The following SLC2A13 variants were observed in gnomAD, a reference collection of about 807,000 sequenced individuals.
SLC2A13 encodes the protein solute carrier family 2 member 13, also known as proton myo-inositol cotransporter.
A neutral mutation model predicts 64.4 loss-of-function variants in SLC2A13; 32 were observed. That is an observed-to-expected ratio of 0.50 (90% CI 0.37 to 0.67). SLC2A13 has a LOEUF of 0.67. SLC2A13 is among the 30% of genes least tolerant of loss of function. The pLI, the probability that SLC2A13 is intolerant of heterozygous loss-of-function variation, is 0.00. For synonymous variants in SLC2A13, 338 were observed against 327.1 expected (o/e 1.03, Z -0.36); for missense variants, 743 against 829.2 (o/e 0.90, Z 1.28).
At chr12:39,816,322 T>C (rs1427970393) in intron 7 of SLC2A13, among the ~76,000 whole-genome samples, 1 of 150,814 alleles carries the variant, frequency 6.6e-6, no homozygotes, top group East Asian at 2.0e-4. Flanking sequence ...TAGGTTGGGT[T>C]GCCTAGAAAA....
chr12:39,865,664 A>T (rs1336436158), intron 5 of SLC2A13, among the ~76,000 whole-genome samples: 1 of 152,242 alleles, frequency 6.6e-6, no homozygotes, highest in African/African-American at 2.4e-5. Flanking sequence ...GGAAGAATGG[A>T]GAAAGAAAAT....
chr12:39,930,357 G>C (rs1457208961), intron 4 of SLC2A13, among the ~76,000 whole-genome samples: 1 of 151,904 alleles, frequency 6.6e-6, no homozygotes, highest in Non-Finnish European at 1.5e-5. Flanking sequence ...CTGCTCAGTG[G>C]GGAACAATAT....
intron 4 of SLC2A13, among the ~76,000 whole-genome samples, chr12:39,925,053 T>TTTTA (rs1491231030): frequency 3.1e-5 from 4 of 128,056 alleles, no homozygotes; most frequent in Admixed American, 8.3e-5. Flanking sequence ...TTTTTTTTTT[T>TTTTA]GAGGAAGAGT....
At chr12:39,891,155 C>T (rs1944598344) in intron 4 of SLC2A13, among the ~76,000 whole-genome samples, 1 of 149,398 alleles carries the variant, frequency 6.7e-6, no homozygotes, top group Admixed American at 6.8e-5. Flanking sequence ...GAGGATGCAT[C>T]TAGGATGCTT....
At chr12:39,877,775 C>A (rs1271294674) in intron 4 of SLC2A13, among the ~76,000 whole-genome samples, 1 of 152,114 alleles carries the variant, frequency 6.6e-6, no homozygotes, top group East Asian at 1.9e-4. Context: ...AACCTTTATG[C>A]AGTAGTTTGA....
chr12:39,797,699 G>T, intron 7 of SLC2A13, among the ~76,000 whole-genome samples: 1 of 147,042 alleles, frequency 6.8e-6, no homozygotes, highest in African/African-American at 2.5e-5. Context: ...AAAAGCTAAT[G>T]GATACATGTT....
intron 4 of SLC2A13, among the ~76,000 whole-genome samples, chr12:39,940,632 T>C (rs530926926): frequency 1.3e-5 from 2 of 151,678 alleles, no homozygotes; most frequent in East Asian, 3.9e-4. Context: ...TTAATGGTTC[T>C]TGAGATGGCT....
chr12:40,085,157 C>A (rs764991520), intron 1 of SLC2A13, among the ~76,000 whole-genome samples: 3 of 152,190 alleles, frequency 2.0e-5, no homozygotes, highest in Non-Finnish European at 4.4e-5. Flanking sequence ...GACTCCACCT[C>A]CACAGGGACA....
intron 6 of SLC2A13, among the ~76,000 whole-genome samples, chr12:39,855,708 C>T (rs1396635957): frequency 6.6e-6 from 1 of 152,132 alleles, no homozygotes; most frequent in African/African-American, 2.4e-5. Flanking sequence ...CTTCGATTTC[C>T]TAAGCTGTAT....
intron 7 of SLC2A13, among the ~76,000 whole-genome samples, chr12:39,807,228 G>A (rs1388402731): frequency 6.6e-6 from 1 of 152,174 alleles, no homozygotes; most frequent in African/African-American, 2.4e-5. Flanking sequence ...AGTGGAGTGT[G>A]CTTACAGAAG....
chr12:39,973,711 T>G (rs188409335), intron 3 of SLC2A13, among the ~76,000 whole-genome samples: 104 of 152,324 alleles, frequency 6.8e-4, no homozygotes, highest in East Asian at 5.8e-3. Flanking sequence ...CATCTTTCCC[T>G]CACACCTGTC....
At chr12:39,913,051 T>C (rs1401875485) in intron 4 of SLC2A13, among the ~76,000 whole-genome samples, 1 of 152,078 alleles carries the variant, frequency 6.6e-6, no homozygotes, top group Non-Finnish European at 1.5e-5. Flanking sequence ...GAGAAGTGCA[T>C]TCCAGAGAAA....
chr12:39,765,939 C>A (rs973069200), intron 7 of SLC2A13, among the ~76,000 whole-genome samples: 1 of 152,218 alleles, frequency 6.6e-6, no homozygotes, highest in East Asian at 1.9e-4. Context: ...CATGTGTTCT[C>A]ATTGTTCAGC....
At chr12:40,022,587 A>G (rs1474673212) in intron 3 of SLC2A13, among the ~76,000 whole-genome samples, 1 of 152,250 alleles carries the variant, frequency 6.6e-6, no homozygotes, top group Non-Finnish European at 1.5e-5. Flanking sequence ...CTGTAATCTT[A>G]GCACTTTGGG....
intron 1 of SLC2A13, among the ~76,000 whole-genome samples, chr12:40,094,928 C>T (rs17442462): frequency 0.013 from 1,905 of 152,236 alleles, 15 homozygotes; most frequent in Non-Finnish European, 0.021. Flanking sequence ...AGGAAGAAGA[C>T]GCATCTGTGC....
At chr12:39,926,776 A>G (rs1222437446) in intron 4 of SLC2A13, among the ~76,000 whole-genome samples, 2 of 152,050 alleles carry the variant, frequency 1.3e-5, no homozygotes, top group Non-Finnish European at 2.9e-5. Context: ...CCACCATGCT[A>G]GGCGAGCTTT....
chr12:39,803,847 A>C, intron 7 of SLC2A13, among the ~76,000 whole-genome samples: 2 of 152,198 alleles, frequency 1.3e-5, no homozygotes, highest in Non-Finnish European at 2.9e-5. Flanking sequence ...AATTTTTCAT[A>C]ACTGATGGAA....
Position 39,871,815 on chromosome 12 carries a change from G to C in SLC2A13, c.1181C>G (p.Thr394Ser). 1 of 1,608,188 alleles carries C rather than the reference G, an allele frequency of 6.2e-7. No individual in the cohort carries two copies. Among genetic ancestry groups the C allele is most frequent in the Non-Finnish European group, 8.5e-7 (1 of 1,177,588 alleles). Residue 394 changes from threonine (T) to serine (S), a missense_variant, in exon 5 of 10, where the codon ACC becomes AGC. Coordinates refer to ENST00000280871, the MANE Select transcript of SLC2A13 (RefSeq NM_052885.4). ...LVEKVGRRKL[T>S]FGSLAGTTVA... ...CCACCTACCTGCTAAACTACCAAAG[G>C]TAAGCTTTCTGCGGCCCACCTTCTC...
At chr12:39,834,981 A>AT (rs1220734836) in intron 6 of SLC2A13, among the ~76,000 whole-genome samples, 2 of 152,072 alleles carry the variant, frequency 1.3e-5, no homozygotes, top group South Asian at 2.1e-4. Context: ...TGGCTATTAC[A>AT]TTTTTCACTC....
Sources: gnomAD v4.1 joint callset for allele counts (sites outside exome capture counted in the v4.1 genomes callset) on GRCh38, gnomAD v4.1.1 for gene constraint, MANE v1.5 for transcripts, NCBI Gene and HGNC (gene_info 2026-07-23, HGNC 2026-07-21) for gene names.